The following ABCC11 variants were observed in gnomAD, a reference collection of about 807,000 sequenced individuals.
ABCC11 encodes ATP binding cassette subfamily C member 11.
ABCC11 carries 135 observed loss-of-function variants against 149.3 expected under a neutral mutation model. The ratio of observed to expected loss-of-function variants is 0.90; its 90% CI spans 0.79 to 1.04. The LOEUF (loss-of-function observed/expected upper bound fraction) is 1.04. Ranked by LOEUF, ABCC11 falls within the 50% of genes least tolerant of loss-of-function variation. The probability of loss-of-function intolerance (pLI) is 0.00; values close to 1 mark genes in which losing one functional copy is unlikely to be tolerated. For synonymous variants in ABCC11, 665 were observed against 671.4 expected (o/e 0.99, Z 0.15); for missense variants, 1,680 against 1,722.1 (o/e 0.98, Z 0.43).
At chr16:48,175,479 T>A (rs1320120838) in intron 25 of ABCC11, 62 bp from the exon 26 acceptor site, 43 of 1,543,398 alleles carry the variant, frequency 2.8e-5, no homozygotes, top group African/African-American at 8.2e-5. Flanking sequence ...GAAGCACAGA[T>A]CGCACCTGGC....
chr16:48,211,982 A>G (rs1344669959), intron 10 of ABCC11, among the ~76,000 whole-genome samples: 1 of 152,180 alleles, frequency 6.6e-6, no homozygotes. Flanking sequence ...TCTCTTACCC[A>G]TCCTTCTGAG....
intron 6 of ABCC11, among the ~76,000 whole-genome samples, chr16:48,219,932 G>C (rs9927515): frequency 0.14 from 21,869 of 152,166 alleles, 2,083 homozygotes; most frequent in African/African-American, 0.28. Flanking sequence ...AGTGAGCCAA[G>C]GTTGCACTAT....
chr16:48,192,370 G>C, intron 20 of ABCC11, 150 bp downstream of exon 20: 1 of 834,756 alleles, frequency 1.2e-6, no homozygotes, highest in African/African-American at 1.7e-5. Flanking sequence ...CTTCAGCCTG[G>C]AAGGTGGAGG....
In ABCC11 at chr16:48,170,157, A is replaced by G. The variant is rs777126246; in HGVS notation, c.3839T>C (p.Val1280Ala). 6.2e-7 allele frequency: 1 copy of G among 1,614,060 alleles called. No individual in the cohort carries two copies. Among genetic ancestry groups the G allele is most frequent in the African/African-American group, 1.3e-5 (1 of 75,024 alleles). ...AATGCAGAGCAGCTGCCTCTCCCCC[A>G]CAGAGAAGTTTCCACCGTTTTCCAC... The part of the protein sequence containing the change: ...DVVENGGNFS[V>A]GERQLLCIAR... The change falls in exon 28 of 30, where the codon GTG (valine) becomes GCG (alanine). Residue 1280 changes from valine to alanine, a missense_variant. Physicochemically the swap from Val to Ala is moderately conservative, Grantham distance 64. Transcript: ENST00000356608.
chr16:48,213,527 CA>C lies in ABCC11; in HGVS notation c.1271del (p.Leu424Ter). ...ASMAFSMLAS[L>X]NLLRLSVFFV... Reference sequence around the variant, plus strand: ...AGAACACTGACAGCCGAAGGAGATTCAAGGAGGCCAGCATGCTGAAGGCCTG... The same window carrying C: ...AGAACACTGACAGCCGAAGGAGATTCAGGAGGCCAGCATGCTGAAGGCCTG... On this transcript the variant is annotated frameshift_variant, in exon 10 of 30. Coordinates refer to ENST00000356608, the MANE Select transcript of ABCC11 (RefSeq NM_001370497.1). LOFTEE classifies it high-confidence loss of function. 1 of 1,610,330 alleles carries C rather than the reference CA, an allele frequency of 6.2e-7. No homozygotes were observed. Among genetic ancestry groups the C allele is most frequent in the Non-Finnish European group, 8.5e-7 (1 of 1,178,358 alleles).
chr16:48,230,706 A>G (rs13336759), intron 2 of ABCC11, 133 bp from the exon 3 acceptor site: 100,730 of 1,072,914 alleles, frequency 0.094, 5,824 homozygotes, highest in African/African-American at 0.23. Flanking sequence ...TTCCATACCG[A>G]GAATAAGCAG....
At chr16:48,229,828 C>T (rs1298635428) in intron 3 of ABCC11, among the ~76,000 whole-genome samples, 2 of 152,188 alleles carry the variant, frequency 1.3e-5, no homozygotes, top group African/African-American at 2.4e-5. Context: ...AGCCTCACCT[C>T]ATGCCACACC....
At chr16:48,224,506 A>G (rs1056027810) in intron 4 of ABCC11, 77 bp from the exon 5 acceptor site, 2 of 1,523,756 alleles carry the variant, frequency 1.3e-6, no homozygotes, top group Middle Eastern at 1.8e-4. Flanking sequence ...GCTAGCCAGG[A>G]GCTTTGTTGC....
chr16:48,215,966 G>T, intron 7 of ABCC11, 148 bp downstream of exon 7: 1 of 848,796 alleles, frequency 1.2e-6, no homozygotes, highest in Non-Finnish European at 1.8e-6. Context: ...CCAGAGAATA[G>T]TTTGAAGTAG....
rs150729683 is a variant in ABCC11 at position 48,167,230 on chromosome 16, C to G, written c.*44G>C. ...GGCCTCGAAGCTGCACCTGTGTGAA[C>G]CTCTGAGCTCAGCTGCCAGCCTCCA... is the stretch of plus-strand genomic sequence containing the variant. On this transcript the variant is annotated 3_prime_UTR_variant, in exon 30 of 30. Coordinates refer to ENST00000356608, the MANE Select transcript of ABCC11 (RefSeq NM_001370497.1). The G allele has an allele frequency of 2.6e-6, 2 of 779,144 alleles. No homozygotes were observed. 48.3% of individuals were successfully genotyped at this position (779,144 alleles called of 1,614,324 possible). A position where few individuals can be genotyped will look rare whatever the true frequency, so the allele number is the denominator to read the frequency against.
chr16:48,172,427 C>CTTT (rs566472502), intron 26 of ABCC11, among the ~76,000 whole-genome samples: 3 of 137,458 alleles, frequency 2.2e-5, no homozygotes, highest in Admixed American at 7.3e-5. Flanking sequence ...CTATGTTTAA[C>CTTT]TTTTTTTTTT....
At chr16:48,185,860 TC>T (rs1005810884) in intron 22 of ABCC11, among the ~76,000 whole-genome samples, 16 of 152,182 alleles carry the variant, frequency 1.1e-4, no homozygotes, top group African/African-American at 3.9e-4. Context: ...CACCTTGCTA[TC>T]CTTCAAACCT....
At chr16:48,236,664 A>C (rs1970705196) in intron 1 of ABCC11, among the ~76,000 whole-genome samples, 1 of 152,194 alleles carries the variant, frequency 6.6e-6, no homozygotes. Flanking sequence ...ACAGTCACGA[A>C]AGACTTCACA....
intron 27 of ABCC11, 34 bp from the exon 28 acceptor site, chr16:48,170,252 GAAGCCAC>G: frequency 6.4e-7 from 1 of 1,571,794 alleles, no homozygotes; most frequent in Non-Finnish European, 8.8e-7. Flanking sequence ...ACATAACCTG[GAAGCCAC>G]TGTGGGGTGA....
intron 20 of ABCC11, among the ~76,000 whole-genome samples, chr16:48,188,408 A>G: frequency 6.6e-6 from 1 of 152,116 alleles, no homozygotes; most frequent in East Asian, 1.9e-4. Flanking sequence ...AGATGGGACC[A>G]TTTTCACTCA....
downstream of ABCC11, among the ~76,000 whole-genome samples, chr16:48,165,334 C>A (rs181790562): frequency 5.5e-4 from 83 of 152,222 alleles, 2 homozygotes; most frequent in East Asian, 0.015. Flanking sequence ...AAAGATAAAC[C>A]CCCTAGAAGG....
chr16:48,214,990 C>T lies in ABCC11; in HGVS notation c.1139G>A (p.Gly380Glu). ...TATACTTGTCAGGCTCTGGACAAGC[C>T]CGCACTTCTCCAATAGTTTCCTTTC... ...RKERKLLEKCGLVQSLTSITL... is the reference protein window; with the variant it reads ...RKERKLLEKCELVQSLTSITL... Residue 380 changes from glycine to glutamate, a missense_variant, in exon 9 of 30, where the codon GGG becomes GAG. By Grantham distance (98) the Gly-to-Glu change is moderately conservative (BLOSUM62 -2). Coordinates refer to ENST00000356608, the MANE Select transcript of ABCC11 (RefSeq NM_001370497.1). 2 of 1,614,086 alleles carry T rather than the reference C, an allele frequency of 1.2e-6. No individual in the cohort carries two copies. Among genetic ancestry groups the T allele is most frequent in the Non-Finnish European group, 8.5e-7 (1 of 1,180,018 alleles).
In ABCC11 at chr16:48,184,567, C is replaced by A. The variant is rs757178923; in HGVS notation, c.3131G>T (p.Arg1044Leu). Residue 1044 changes from arginine to leucine, a missense_variant, in exon 23 of 30, where the codon CGA (arginine) becomes CTA (leucine). Transcript: ENST00000356608. ...NYLLLFLSST[R>L]WMALRLEIMT... ...GATCTCCAGCCTCAATGCCATCCAT[C>A]GTGTGGAAGATAGAAACAACAGCAG... The A allele has an allele frequency of 6.2e-7, 1 of 1,614,224 alleles. No individual in the cohort carries two copies. Among genetic ancestry groups the A allele is most frequent in the South Asian group, 1.1e-5 (1 of 91,084 alleles).
chr16:48,208,861 C>T (rs1354757455), intron 11 of ABCC11, among the ~76,000 whole-genome samples: 5 of 152,182 alleles, frequency 3.3e-5, no homozygotes, highest in African/African-American at 9.7e-5. Context: ...AAGCCAGCCT[C>T]ACAGAATTTC....
Sources: allele counts gnomAD v4.1 joint callset (sites outside exome capture counted in the v4.1 genomes callset), GRCh38; gene constraint gnomAD v4.1.1; transcripts MANE v1.5; gene names NCBI Gene and HGNC (gene_info 2026-07-23, HGNC 2026-07-21).